Variants in HS3ST2 observed in about 807,000 individuals in gnomAD.
The protein encoded by HS3ST2 is heparan sulfate-glucosamine 3-sulfotransferase 2, also known as heparan sulfate glucosamine 3-O-sulfotransferase 2.
Under a neutral mutation model 26.3 loss-of-function variants are expected in HS3ST2, and 17 were observed. That is an observed-to-expected ratio of 0.65 (90% CI 0.44 to 0.97). The LOEUF (loss-of-function observed/expected upper bound fraction) is 0.97. Ranked by LOEUF, HS3ST2 falls within the 50% of genes least tolerant of loss-of-function variation. The pLI is 0.00. For missense variants in HS3ST2, 402 were observed against 501.2 expected, an observed-to-expected ratio of 0.80 and a Z score of 1.89; for synonymous variants, 237 against 219.2, an observed-to-expected ratio of 1.08 and a Z score of -0.72.
intron 1 of HS3ST2, among the ~76,000 whole-genome samples, chr16:22,900,216 G>A (rs889115755): frequency 2.6e-5 from 4 of 152,210 alleles, no homozygotes; most frequent in African/African-American, 9.6e-5. Context: ...AAGCTTGTCT[G>A]GGAGTTGCCA....
chr16:22,863,270 C>T (rs1459564468), intron 1 of HS3ST2, among the ~76,000 whole-genome samples: 1 of 152,240 alleles, frequency 6.6e-6, no homozygotes, highest in East Asian at 1.9e-4. Context: ...CTCTTACTCT[C>T]ATGACTGTGC....
At chr16:22,903,541 G>A (rs750496599) in intron 1 of HS3ST2, among the ~76,000 whole-genome samples, 3 of 152,140 alleles carry the variant, frequency 2.0e-5, no homozygotes, top group Non-Finnish European at 2.9e-5. Context: ...GCTGAAAGTG[G>A]ATCATAACTG....
Position 22,814,779 on chromosome 16 carries a change from C to G in HS3ST2, c.169C>G (p.Arg57Gly). 2 of 1,601,682 alleles carry G rather than the reference C, an allele frequency of 1.2e-6. No homozygotes were observed. The highest frequency in any genetic ancestry group is 1.7e-6 in the Non-Finnish European group (2 of 1,175,590). Residue 57 changes from arginine (R) to glycine (G), a missense_variant, in exon 1 of 2, where the codon CGC (arginine) becomes GGC (glycine). Arg to Gly is a moderately radical substitution (Grantham distance 125). Around this residue, in one of 2 missense-constraint regions of HS3ST2, gnomAD observed 165 missense variants for 154.6 expected, o/e 1.07. Transcript: ENST00000261374. ...CCTCCTCGGCGCGCCTCGCTGCCTC[C>G]GCGGCCCCAGCGCGGGCGGCCAGAA... ...SRLLGAPRCLRGPSAGGQKLL... is the reference protein window; with the variant it reads ...SRLLGAPRCLGGPSAGGQKLL...
At chr16:22,835,926 G>A (rs1300249656) in intron 1 of HS3ST2, among the ~76,000 whole-genome samples, 1 of 151,704 alleles carries the variant, frequency 6.6e-6, no homozygotes, top group Non-Finnish European at 1.5e-5. Flanking sequence ...AGGAAACAAG[G>A]AAGTATTTTG....
chr16:22,899,812 G>A (rs1902260473), intron 1 of HS3ST2, among the ~76,000 whole-genome samples: 1 of 152,170 alleles, frequency 6.6e-6, no homozygotes, highest in Non-Finnish European at 1.5e-5. Flanking sequence ...AGAACAGCAT[G>A]GGAAAAACCC....
chr16:22,890,433 T>C (rs925708144), intron 1 of HS3ST2, among the ~76,000 whole-genome samples: 4 of 152,268 alleles, frequency 2.6e-5, no homozygotes, highest in South Asian at 2.1e-4. Flanking sequence ...ACAATGTGAA[T>C]GTTCTTTGTG....
intron 1 of HS3ST2, among the ~76,000 whole-genome samples, chr16:22,815,708 G>A (rs1358621810): frequency 6.6e-6 from 1 of 152,154 alleles, no homozygotes; most frequent in Admixed American, 6.5e-5. Flanking sequence ...TTGAGTAGTG[G>A]AAAGAGCCCT....
intron 1 of HS3ST2, among the ~76,000 whole-genome samples, chr16:22,832,870 A>G (rs1307759709): frequency 6.6e-6 from 1 of 151,932 alleles, no homozygotes; most frequent in Non-Finnish European, 1.5e-5. Context: ...AGGACTGAGC[A>G]AGAAGCATTC....
At chr16:22,843,764 T>C (rs1901392930) in intron 1 of HS3ST2, among the ~76,000 whole-genome samples, 1 of 151,938 alleles carries the variant, frequency 6.6e-6, no homozygotes, top group South Asian at 2.1e-4. Flanking sequence ...TTCTGTTGGG[T>C]TTTTATGGAA....
intron 1 of HS3ST2, among the ~76,000 whole-genome samples, chr16:22,841,368 C>A (rs16973580): frequency 0.035 from 5,262 of 152,168 alleles, 318 homozygotes; most frequent in African/African-American, 0.12. Context: ...GCCTCACTCC[C>A]TGAATTTCTT....
intron 1 of HS3ST2, among the ~76,000 whole-genome samples, chr16:22,876,973 T>G (rs1901928293): frequency 6.6e-6 from 1 of 151,966 alleles, no homozygotes; most frequent in South Asian, 2.1e-4. Context: ...TTTGGGAACT[T>G]GGGGGGAAGG....
intron 1 of HS3ST2, among the ~76,000 whole-genome samples, chr16:22,856,500 A>G (rs28632053): frequency 0.12 from 18,113 of 152,180 alleles, 1,169 homozygotes; most frequent in East Asian, 0.15. Context: ...AGAAATAGAA[A>G]TCCTATTGCT....
At chr16:22,859,589 C>A (rs16973811) in intron 1 of HS3ST2, among the ~76,000 whole-genome samples, 8,619 of 152,206 alleles carry the variant, frequency 0.057, 734 homozygotes, top group African/African-American at 0.18. Context: ...AGGCTTCCTT[C>A]TTGGGCCAAA....
At chr16:22,883,451 G>C (rs1432413208) in intron 1 of HS3ST2, among the ~76,000 whole-genome samples, 4 of 152,258 alleles carry the variant, frequency 2.6e-5, no homozygotes, top group Non-Finnish European at 5.9e-5. Context: ...TTGAAAAGCT[G>C]TTATGTGGAA....
intron 1 of HS3ST2, among the ~76,000 whole-genome samples, chr16:22,820,178 C>A (rs185714046): frequency 1.2e-3 from 189 of 152,308 alleles, no homozygotes; most frequent in African/African-American, 3.6e-3. Context: ...AACCCCCCCC[C>A]ATTTGTCTTG....
At chr16:22,863,199 T>G (rs944210925) in intron 1 of HS3ST2, among the ~76,000 whole-genome samples, 3 of 152,238 alleles carry the variant, frequency 2.0e-5, no homozygotes, top group Admixed American at 2.0e-4. Context: ...TCTTGCCCTT[T>G]GGGATAGCAC....
At chr16:22,846,288 A>AC (rs1901431386) in intron 1 of HS3ST2, among the ~76,000 whole-genome samples, 1 of 151,742 alleles carries the variant, frequency 6.6e-6, no homozygotes, top group South Asian at 2.1e-4. Flanking sequence ...AAAAAAAAAA[A>AC]AGTATATATG....
chr16:22,913,423 T>C (rs1232662051), intron 1 of HS3ST2, among the ~76,000 whole-genome samples: 2 of 152,086 alleles, frequency 1.3e-5, no homozygotes, highest in Non-Finnish European at 2.9e-5. Flanking sequence ...AGAGGTTACA[T>C]AGCCTGACTC....
At chr16:22,910,357 T>C (rs746229978) in intron 1 of HS3ST2, among the ~76,000 whole-genome samples, 1 of 152,214 alleles carries the variant, frequency 6.6e-6, no homozygotes, top group Non-Finnish European at 1.5e-5. Context: ...ACAGCCCCTG[T>C]AGAATTTGGG....
Sources: allele counts gnomAD v4.1 joint callset (sites outside exome capture counted in the v4.1 genomes callset), GRCh38; gene constraint gnomAD v4.1.1; regional missense constraint gnomAD v4.1.1; transcripts MANE v1.5; gene names NCBI Gene and HGNC (gene_info 2026-07-23, HGNC 2026-07-21).